FOCAD: variants seen among roughly 807,000 people sequenced by gnomAD.
The protein encoded by FOCAD is KIAA1797.
A neutral mutation model predicts 225.6 loss-of-function variants in FOCAD; 198 were observed. The observed-to-expected ratio is 0.88, with a 90% CI of 0.78 to 0.99. FOCAD has a LOEUF of 0.99. Among genes scored for constraint, FOCAD ranks in the 50% least tolerant of loss-of-function variants. The pLI is 0.00. For synonymous variants in FOCAD, 897 were observed against 755.0 expected, an observed-to-expected ratio of 1.19 and a Z score of -3.08; for missense variants, 2,713 against 2,123.6, an observed-to-expected ratio of 1.28 and a Z score of -5.46.
In FOCAD at chr9:20,820,345, C is replaced by G; in HGVS notation, c.1582C>G (p.Arg528Gly). The change falls in exon 13 of 44, where the codon CGA becomes GGA. Residue 528 changes from arginine (R) to glycine (G), a missense_variant. Transcript: ENST00000338382. ...VHKVCIGQIL[R>G]IIQLLGTTPR... is the part of the protein sequence containing the mutation. ...CTAGGTGTGTATAGGACAAATTCTA[C>G]GAATAATACAACTACTTGGAACCAC... The G allele has an allele frequency of 6.2e-7, 1 of 1,612,008 alleles. No individual in the cohort carries two copies. The highest frequency in any genetic ancestry group is 8.5e-7 in the Non-Finnish European group (1 of 1,178,832).
intron 2 of FOCAD, among the ~76,000 whole-genome samples, chr9:20,660,888 AAGAG>A (rs147407505): frequency 1.3e-4 from 19 of 150,752 alleles, no homozygotes; most frequent in South Asian, 6.3e-4. Context: ...GTCAAAGAGA[AAGAG>A]AGAGAGAGAG....
At chr9:20,866,780 A>T in intron 17 of FOCAD, 149 bp from the exon 18 acceptor site, 2 of 522,784 alleles carry the variant, frequency 3.8e-6, no homozygotes, top group Non-Finnish European at 3.3e-6. Context: ...CAAAGCTTTA[A>T]TACCATTTTC....
chr9:20,935,885 C>T (rs1004767000), intron 28 of FOCAD, among the ~76,000 whole-genome samples: 3 of 152,070 alleles, frequency 2.0e-5, no homozygotes, highest in African/African-American at 4.8e-5. Context: ...CATGCTAACC[C>T]CATGGTTTTT....
intron 25 of FOCAD, 37 bp from the exon 26 acceptor site, chr9:20,926,264 T>C (rs1435332498): frequency 4.2e-6 from 5 of 1,200,628 alleles, no homozygotes; most frequent in Non-Finnish European, 6.2e-6. Context: ...AGATTTGTTT[T>C]CTCTGTAATC....
chr9:20,816,276 C>T (rs1018031429), intron 11 of FOCAD, among the ~76,000 whole-genome samples: 1 of 152,116 alleles, frequency 6.6e-6, no homozygotes, highest in Non-Finnish European at 1.5e-5. Flanking sequence ...CTTCTAAAAA[C>T]TAAGAATCTG....
intron 28 of FOCAD, among the ~76,000 whole-genome samples, chr9:20,938,272 C>T (rs1438809691): frequency 6.6e-6 from 1 of 152,138 alleles, no homozygotes; most frequent in Non-Finnish European, 1.5e-5. Context: ...TATAAAGACA[C>T]ATGCACACGT....
chr9:20,800,993 T>G (rs1821757358), intron 11 of FOCAD, among the ~76,000 whole-genome samples: 2 of 152,098 alleles, frequency 1.3e-5, no homozygotes. Flanking sequence ...CTACGTTAGG[T>G]CTTTGATGAT....
rs1819406771 is a variant in FOCAD, at chr9:20,781,853, G to T, written c.1121G>T (p.Gly374Val). The change falls in exon 10 of 44, where the codon GGT becomes GTT. Residue 374 changes from glycine to valine, a missense_variant. Coordinates refer to ENST00000338382, the MANE Select transcript of FOCAD (RefSeq NM_001375567.1). ...GACTGTATATCTGTGGATGAAGAAG[G>T]TCCCTCTAGGCAGCAGTTGGCTCTA... ...LEDCISVDEEGPSRQQLALNL... is the reference protein window; with the variant it reads ...LEDCISVDEEVPSRQQLALNL... 1 of 1,614,110 alleles carries T rather than the reference G, an allele frequency of 6.2e-7. No homozygotes were observed. The highest frequency in any genetic ancestry group is 2.2e-5 in the East Asian group (1 of 44,862).
At chr9:20,833,477 T>A (rs780512705) in intron 15 of FOCAD, among the ~76,000 whole-genome samples, 11 of 152,114 alleles carry the variant, frequency 7.2e-5, no homozygotes, top group African/African-American at 2.2e-4. Context: ...CTACTTTCTC[T>A]TGATAAGACA....
intron 18 of FOCAD, among the ~76,000 whole-genome samples, chr9:20,873,033 G>A (rs1358838012): frequency 6.6e-6 from 1 of 152,062 alleles, no homozygotes; most frequent in African/African-American, 2.4e-5. Context: ...TCATGGTATG[G>A]ATTTATACTA....
chr9:20,955,174 G>T (rs1367114681), intron 35 of FOCAD, among the ~76,000 whole-genome samples: 1 of 152,150 alleles, frequency 6.6e-6, no homozygotes, highest in Non-Finnish European at 1.5e-5. Flanking sequence ...AAAGTTTAGG[G>T]ATGGCATGGT....
intron 11 of FOCAD, among the ~76,000 whole-genome samples, chr9:20,803,560 G>A (rs372675334): frequency 3.3e-5 from 5 of 152,102 alleles, no homozygotes; most frequent in South Asian, 2.1e-4. Flanking sequence ...AGGGAACATG[G>A]GCAAGAGAAC....
intron 5 of FOCAD, among the ~76,000 whole-genome samples, chr9:20,757,558 T>A (rs1829166780): frequency 6.6e-6 from 1 of 152,218 alleles, no homozygotes; most frequent in Non-Finnish European, 1.5e-5. Flanking sequence ...ATGGAAGGAA[T>A]ATTTCCTTTT....
chr9:20,767,559 A>C (rs1830159778), intron 7 of FOCAD, among the ~76,000 whole-genome samples: 1 of 151,420 alleles, frequency 6.6e-6, no homozygotes, highest in East Asian at 1.9e-4. Flanking sequence ...TTTGATTTGC[A>C]TTTCTCTGAT....
At chr9:20,766,246 C>G (rs1416332335) in intron 7 of FOCAD, among the ~76,000 whole-genome samples, 1 of 151,984 alleles carries the variant, frequency 6.6e-6, no homozygotes, top group South Asian at 2.1e-4. Flanking sequence ...TTTAACCTAA[C>G]AGTTATGTAA....
At chr9:20,988,637 T>G (rs542725556) in intron 41 of FOCAD, among the ~76,000 whole-genome samples, 3 of 152,098 alleles carry the variant, frequency 2.0e-5, no homozygotes, top group Admixed American at 6.5e-5. Context: ...CACTTAATGA[T>G]TCTCTGATGC....
Position 20,719,778 on chromosome 9 carries a change from C to CTTTTTTTT in FOCAD, c.133-585_133-578dup, listed in dbSNP as rs34384301. 1.0e-3 allele frequency among the ~76,000 whole-genome samples: 62 copies of CTTTTTTTT among 62,128 alleles called. 5 individuals are homozygous for CTTTTTTTT. The highest frequency in any genetic ancestry group is 1.2e-3 in the Non-Finnish European group (44 of 35,614). 40.8% of individuals were successfully genotyped at this position (62,128 alleles called of 152,430 possible). A position where few individuals can be genotyped will look rare whatever the true frequency, so the allele number is the denominator to read the frequency against. ...TTCTTGGGCAAACAGTTTTCCTAGGCTTTTTTTTTTTTTTTTTTTTTTTTG... is the reference window on the plus strand; with the variant it reads ...TTCTTGGGCAAACAGTTTTCCTAGGCTTTTTTTTTTTTTTTTTTTTTTTTTTTTTTTTG... On this transcript the variant is annotated intron_variant, in intron 3 of 43. Coordinates refer to ENST00000338382, the MANE Select transcript of FOCAD (RefSeq NM_001375567.1).
chr9:20,963,390 A>G (rs553847878), intron 35 of FOCAD, among the ~76,000 whole-genome samples: 2 of 152,310 alleles, frequency 1.3e-5, no homozygotes, highest in East Asian at 3.9e-4. Context: ...GAAAATGGTC[A>G]TATTTCACAT....
rs1219772218 is a variant in FOCAD, at chr9:20,778,708, G to A, written c.934G>A (p.Gly312Arg). 6.2e-7 allele frequency: 1 copy of A among 1,611,700 alleles called. No homozygotes were observed. The highest frequency in any genetic ancestry group is 1.3e-5 in the African/African-American group (1 of 74,854). Reference protein sequence around the residue: ...EDFPVELVIIGIALLLLQTPA... With the variant: ...EDFPVELVIIRIALLLLQTPA... Reference sequence around the variant, plus strand: ...TTTTCCTGTTGAACTGGTCATAATTGGAATAGCTTTACTACTTCTACAGAC... The same window carrying A: ...TTTTCCTGTTGAACTGGTCATAATTAGAATAGCTTTACTACTTCTACAGAC... Residue 312 changes from glycine to arginine, a missense_variant, in exon 9 of 44, where the codon GGA becomes AGA. By Grantham distance (125) the Gly-to-Arg change is moderately radical. Coordinates refer to ENST00000338382, the MANE Select transcript of FOCAD (RefSeq NM_001375567.1).
Sources: allele counts gnomAD v4.1 joint callset (sites outside exome capture counted in the v4.1 genomes callset), GRCh38; gene constraint gnomAD v4.1.1; transcripts MANE v1.5; gene names NCBI Gene and HGNC (gene_info 2026-07-23, HGNC 2026-07-21).